Variants in ZMAT4 observed in about 807,000 individuals in gnomAD.
ZMAT4 encodes zinc finger matrin-type 4, also known as zinc finger matrin-type protein 4.
ZMAT4 carries 17 observed loss-of-function variants against 28.7 expected under a neutral mutation model. That is an observed-to-expected ratio of 0.59 (90% confidence interval 0.41 to 0.89). The LOEUF is 0.89. ZMAT4 is among the 40% of genes least tolerant of loss of function. The pLI is 0.00. For synonymous variants in ZMAT4, 117 were observed against 109.2 expected (o/e 1.07, Z -0.44); for missense variants, 240 against 283.8 (o/e 0.85, Z 1.11).
At chr8:40,700,066 C>T (rs1256463639) in intron 3 of ZMAT4, among the ~76,000 whole-genome samples, 1 of 152,158 alleles carries the variant, frequency 6.6e-6, no homozygotes, top group Non-Finnish European at 1.5e-5. Context: ...ATTTACCCAA[C>T]ACATTTTTAA....
intron 3 of ZMAT4, among the ~76,000 whole-genome samples, chr8:40,742,684 G>A (rs13263643): frequency 0.011 from 1,654 of 151,942 alleles, 16 homozygotes; most frequent in Non-Finnish European, 0.018. Flanking sequence ...CTATTTCAGT[G>A]GGTGTTATCT....
In ZMAT4 at chr8:40,531,226, T is replaced by A. The variant is rs1189062151; in HGVS notation, c.*997A>T. The A allele has an allele frequency of 1.3e-5, 2 of 152,188 alleles. No homozygotes were observed. Among genetic ancestry groups the A allele is most frequent in the East Asian group, 3.9e-4 (2 of 5,192 alleles). The allele number at this position is 152,188 out of a possible 1,614,324, so 9.4% of individuals were successfully genotyped here. On this transcript the variant is annotated 3_prime_UTR_variant, in exon 7 of 7. Transcript: ENST00000297737. ...GAACTGTTTTCTTTATCGGTCATGC[T>A]CTTTCCAGAGTGACTGAGTCTTGGC...
At chr8:40,788,680 C>T (rs1814190185) in intron 2 of ZMAT4, among the ~76,000 whole-genome samples, 1 of 151,882 alleles carries the variant, frequency 6.6e-6, no homozygotes, top group Admixed American at 6.6e-5. Flanking sequence ...TGTACACCAA[C>T]TCTTCCCAAA....
At chr8:40,619,011 G>A (rs940305992) in intron 5 of ZMAT4, among the ~76,000 whole-genome samples, 2 of 152,240 alleles carry the variant, frequency 1.3e-5, no homozygotes, top group African/African-American at 2.4e-5. Context: ...GAGTGTAAAG[G>A]AGTTAATGTT....
chr8:40,556,867 A>T (rs1803557411), intron 6 of ZMAT4, among the ~76,000 whole-genome samples: 1 of 152,168 alleles, frequency 6.6e-6, no homozygotes, highest in African/African-American at 2.4e-5. Flanking sequence ...CTGCTTTGAA[A>T]TATAGAACAC....
At chr8:40,761,193 C>A (rs2150555969) in intron 3 of ZMAT4, among the ~76,000 whole-genome samples, 1 of 152,242 alleles carries the variant, frequency 6.6e-6, no homozygotes, top group Non-Finnish European at 1.5e-5. Context: ...GTAACTATAG[C>A]TATCCACAAG....
intron 2 of ZMAT4, among the ~76,000 whole-genome samples, chr8:40,801,341 T>TAAAAAAA (rs201742506): frequency 1.7e-4 from 20 of 114,652 alleles, no homozygotes; most frequent in African/African-American, 6.7e-4. Context: ...ATACTTTCTT[T>TAAAAAAA]AAAAAAAAAA....
chr8:40,845,881 C>T lies in ZMAT4; in HGVS notation c.-4-20201G>A, dbSNP rs118025124. Reference sequence around the variant, plus strand: ...AGAGCCAAGCATCAATTAGGAGCGGCCCCAAAAGACAACAAGATGTCAAGA... The same window carrying T: ...AGAGCCAAGCATCAATTAGGAGCGGTCCCAAAAGACAACAAGATGTCAAGA... On this transcript the variant is annotated intron_variant, in intron 1 of 6. Transcript: ENST00000297737. Among the ~76,000 whole-genome samples the T allele has an allele frequency of 2.2e-4, 34 of 151,826 alleles. 2 individuals are homozygous for T. In the East Asian group the frequency reaches 5.0e-3, roughly 23 times the overall value.
chr8:40,718,495 C>A (rs1810947361), intron 3 of ZMAT4, among the ~76,000 whole-genome samples: 1 of 133,386 alleles, frequency 7.5e-6, no homozygotes, highest in African/African-American at 2.9e-5. Context: ...ATTTAGGAAA[C>A]TGCAATTATG....
intron 6 of ZMAT4, among the ~76,000 whole-genome samples, chr8:40,565,375 ATCTTTTTTTTTTTTT>A (rs1330682644): frequency 9.8e-6 from 1 of 101,532 alleles, no homozygotes; most frequent in Non-Finnish European, 1.9e-5. Context: ...TGGTGCCACC[ATCTTTTTTTTTTTTT>A]TTTTTTTTTT....
intron 2 of ZMAT4, among the ~76,000 whole-genome samples, chr8:40,813,274 G>T (rs1442543992): frequency 2.0e-5 from 3 of 152,140 alleles, no homozygotes; most frequent in South Asian, 4.1e-4. Flanking sequence ...GCCCATGAGG[G>T]CATAGGGAGG....
chr8:40,799,028 T>C (rs1273675906), intron 2 of ZMAT4, among the ~76,000 whole-genome samples: 2 of 152,134 alleles, frequency 1.3e-5, no homozygotes, highest in South Asian at 2.1e-4. Flanking sequence ...TCTTGATAAA[T>C]AGATAGAAGG....
intron 2 of ZMAT4, among the ~76,000 whole-genome samples, chr8:40,796,346 T>C (rs1235932242): frequency 2.6e-5 from 4 of 152,224 alleles, no homozygotes; most frequent in Non-Finnish European, 5.9e-5. Flanking sequence ...GACCCTGGCA[T>C]GATTTACTCA....
At chr8:40,615,154 G>A (rs1805952397) in intron 5 of ZMAT4, among the ~76,000 whole-genome samples, 3 of 151,670 alleles carry the variant, frequency 2.0e-5, no homozygotes, top group Non-Finnish European at 4.4e-5. Context: ...TTGCTTGTCT[G>A]TAAAGTATTT....
intron 2 of ZMAT4, among the ~76,000 whole-genome samples, chr8:40,824,076 ATG>A (rs1159757994): frequency 2.0e-5 from 3 of 152,144 alleles, no homozygotes; most frequent in Non-Finnish European, 4.4e-5. Flanking sequence ...CTGGGTGCGT[ATG>A]TGTGTGTGTT....
chr8:40,730,957 C>G (rs756492897), intron 3 of ZMAT4, among the ~76,000 whole-genome samples: 2 of 152,190 alleles, frequency 1.3e-5, no homozygotes, highest in Non-Finnish European at 2.9e-5. Context: ...AGCTACTCAT[C>G]TCCCAGCCAC....
At chr8:40,711,330 C>T (rs943652385) in intron 3 of ZMAT4, among the ~76,000 whole-genome samples, 3 of 152,162 alleles carry the variant, frequency 2.0e-5, no homozygotes, top group Non-Finnish European at 2.9e-5. Context: ...GCTTTGCAAC[C>T]TCCAATGAAT....
chr8:40,812,361 T>A (rs1815353343), intron 2 of ZMAT4, among the ~76,000 whole-genome samples: 1 of 152,178 alleles, frequency 6.6e-6, no homozygotes, highest in South Asian at 2.1e-4. Flanking sequence ...TCTGTGGTCT[T>A]ACTCTCCAAG....
intron 1 of ZMAT4, among the ~76,000 whole-genome samples, chr8:40,834,942 G>T (rs907331970): frequency 1.3e-5 from 2 of 152,228 alleles, no homozygotes; most frequent in Non-Finnish European, 2.9e-5. Flanking sequence ...AGAGCCCAAG[G>T]TGTCAGGCGG....
Sources: allele counts gnomAD v4.1 joint callset (sites outside exome capture counted in the v4.1 genomes callset), GRCh38; gene constraint gnomAD v4.1.1; transcripts MANE v1.5; gene names NCBI Gene and HGNC (gene_info 2026-07-23, HGNC 2026-07-21).